The following PCCA variants were observed in gnomAD, a reference collection of about 807,000 sequenced individuals.
PCCA encodes propionyl-CoA carboxylase alpha chain, mitochondrial.
Under a neutral mutation model 101.3 loss-of-function variants are expected in PCCA, and 74 were observed. That is an observed-to-expected ratio of 0.73 (90% CI 0.61 to 0.89). The LOEUF (loss-of-function observed/expected upper bound fraction) is 0.89, where lower values mean the gene tolerates loss of function less well. Among genes scored for constraint, PCCA ranks in the 40% least tolerant of loss-of-function variants. The pLI, the probability that PCCA is intolerant of heterozygous loss-of-function variation, is 0.00. For missense variants in PCCA, 891 were observed against 907.0 expected (o/e 0.98, Z 0.23); for synonymous variants, 294 against 313.6 (o/e 0.94, Z 0.66).
At chr13:100,280,018 T>G (rs1426237453) in intron 12 of PCCA, among the ~76,000 whole-genome samples, 8 of 151,606 alleles carry the variant, frequency 5.3e-5, no homozygotes, top group African/African-American at 1.9e-4. Context: ...TTTTGTTTTT[T>G]TTTTTTTTGG....
At chr13:100,222,989 G>C (rs1189191183) in intron 7 of PCCA, among the ~76,000 whole-genome samples, 1 of 152,110 alleles carries the variant, frequency 6.6e-6, no homozygotes, top group African/African-American at 2.4e-5. Flanking sequence ...CTTTTCCTTA[G>C]AGAGAAACTA....
At position 100,129,522 on chromosome 13, in the gene PCCA, G is replaced by A. The variant is rs569513017; in HGVS notation, c.300+17461G>A. On this transcript the variant is annotated intron_variant, in intron 4 of 23. Coordinates refer to ENST00000376285, the MANE Select transcript of PCCA (RefSeq NM_000282.4). The stretch of plus-strand genomic sequence containing the variant: ...CTTTCCTAGTTTCTCTCTCACCCCG[G>A]CCATTGCTGCCTCCCACCTTCTCCC... Among the ~76,000 whole-genome samples the A allele has an allele frequency of 2.6e-5, 4 of 152,030 alleles. No individual in the cohort carries two copies. In the South Asian group the frequency reaches 6.2e-4, roughly 24 times the overall value.
chr13:100,522,314 G>A (rs2087366072), intron 22 of PCCA, among the ~76,000 whole-genome samples: 1 of 152,174 alleles, frequency 6.6e-6, no homozygotes, highest in Admixed American at 6.5e-5. Flanking sequence ...TGTCATGTGG[G>A]TTTCAAAACC....
chr13:100,145,084 G>T (rs184155528), intron 4 of PCCA, among the ~76,000 whole-genome samples: 35 of 152,174 alleles, frequency 2.3e-4, no homozygotes, highest in Admixed American at 1.6e-3. Context: ...AGACTGAGGT[G>T]GATCTCTGTA....
chr13:100,133,192 A>G (rs183105410), intron 4 of PCCA, among the ~76,000 whole-genome samples: 2 of 152,316 alleles, frequency 1.3e-5, no homozygotes, highest in East Asian at 1.9e-4. Context: ...TTTGCCATCC[A>G]TGTATCCTTT....
chr13:100,334,746 G>A (rs1444660026), intron 17 of PCCA, among the ~76,000 whole-genome samples: 1 of 152,144 alleles, frequency 6.6e-6, no homozygotes, highest in African/African-American at 2.4e-5. Flanking sequence ...TAAAGAGAAT[G>A]AAATCATGTG....
chr13:100,208,771 A>G (rs1428519493), intron 6 of PCCA, among the ~76,000 whole-genome samples: 3 of 152,132 alleles, frequency 2.0e-5, no homozygotes, highest in Admixed American at 2.0e-4. Flanking sequence ...TTTTTGACTC[A>G]TCTTTTATAG....
intron 15 of PCCA, among the ~76,000 whole-genome samples, chr13:100,309,042 A>G (rs2066694337): frequency 6.9e-6 from 1 of 144,328 alleles, no homozygotes; most frequent in East Asian, 2.0e-4. Context: ...GATTTCTAAG[A>G]TAGTCGTCTT....
chr13:100,146,504 G>T (rs2052583595), intron 4 of PCCA, among the ~76,000 whole-genome samples: 2 of 151,698 alleles, frequency 1.3e-5, no homozygotes, highest in South Asian at 4.2e-4. Flanking sequence ...GAACCCAAGA[G>T]GCGGAGGTTG....
intron 19 of PCCA, 142 bp from the exon 20 acceptor site, chr13:100,425,491 C>CTT: frequency 1.4e-6 from 1 of 711,656 alleles, no homozygotes; most frequent in Middle Eastern, 3.1e-4. Context: ...TGGACCCTGT[C>CTT]TTTCTTGGCT....
intron 7 of PCCA, among the ~76,000 whole-genome samples, chr13:100,228,844 G>T (rs547672232): frequency 2.7e-5 from 4 of 149,650 alleles, no homozygotes; most frequent in Non-Finnish European, 5.9e-5. Context: ...AGGTTGCAAT[G>T]AGCGGGGATC....
intron 8 of PCCA, among the ~76,000 whole-genome samples, chr13:100,244,734 A>G (rs2061338450): frequency 6.6e-6 from 1 of 152,158 alleles, no homozygotes; most frequent in African/African-American, 2.4e-5. Flanking sequence ...TTGCCTAAGT[A>G]GAGAGAAATA....
chr13:100,286,537 A>T (rs1468725296), intron 12 of PCCA, among the ~76,000 whole-genome samples: 1 of 152,246 alleles, frequency 6.6e-6, no homozygotes, highest in Non-Finnish European at 1.5e-5. Context: ...CTTAAGTTTA[A>T]AAGTAGAAGG....
chr13:100,322,463 A>T (rs1014109874), intron 16 of PCCA, among the ~76,000 whole-genome samples: 2 of 152,166 alleles, frequency 1.3e-5, no homozygotes, highest in African/African-American at 4.8e-5. Context: ...ACTGTGTCTT[A>T]AAAATTGTTT....
At chr13:100,448,369 T>G (rs1470607421) in intron 20 of PCCA, among the ~76,000 whole-genome samples, 2 of 152,064 alleles carry the variant, frequency 1.3e-5, no homozygotes, top group African/African-American at 4.8e-5. Flanking sequence ...ATTTTTGTAT[T>G]TTTAGTAAAG....
intron 2 of PCCA, among the ~76,000 whole-genome samples, chr13:100,105,844 CAAAAAAAAAAAAAAAAAA>C (rs71114671): frequency 1.1e-4 from 7 of 62,506 alleles, no homozygotes; most frequent in Admixed American, 2.6e-4. Flanking sequence ...GATCCTGTCT[CAAAAAAAAAAAAAAAAAA>C]AAAAAAAAAA....
At chr13:100,417,974 A>G (rs747989460) in intron 19 of PCCA, among the ~76,000 whole-genome samples, 2 of 151,968 alleles carry the variant, frequency 1.3e-5, no homozygotes, top group African/African-American at 2.4e-5. Flanking sequence ...CCTCTTGGCA[A>G]CCTTCAGCTC....
At chr13:100,258,676 TGCTGTGCTGCTGTTG>T (rs943250793) in intron 9 of PCCA, among the ~76,000 whole-genome samples, 1 of 152,212 alleles carries the variant, frequency 6.6e-6, no homozygotes, top group Non-Finnish European at 1.5e-5. Context: ...AAGTGAGGTT[TGCTGTGCTGCTGTTG>T]ATTTATAAAT....
In PCCA at chr13:100,302,398, A is replaced by G. The variant is rs2066135298; in HGVS notation, c.1210-526A>G. Among the ~76,000 whole-genome samples, 4 of 151,974 alleles carry G rather than the reference A, an allele frequency of 2.6e-5. No individual in the cohort carries two copies. In the South Asian group the frequency reaches 8.3e-4, roughly 31 times the overall value. On this transcript the variant is annotated intron_variant, in intron 13 of 23. Coordinates refer to ENST00000376285, the MANE Select transcript of PCCA (RefSeq NM_000282.4). ...CTTTTTTCATATTTTAAGTAGTATT[A>G]CTTTCATTCTTATGACACTGAACCT...
Sources: gnomAD v4.1 joint callset for allele counts (sites outside exome capture counted in the v4.1 genomes callset) on GRCh38, gnomAD v4.1.1 for gene constraint, MANE v1.5 for transcripts, NCBI Gene and HGNC (gene_info 2026-07-23, HGNC 2026-07-21) for gene names.